NALF1: variants seen among roughly 807,000 people sequenced by gnomAD.
NALF1 encodes NALCN channel auxiliary factor 1.
Under a neutral mutation model 48.4 loss-of-function variants are expected in NALF1, and 3 were observed. The ratio of observed to expected loss-of-function variants is 0.06; its 90% confidence interval spans 0.03 to 0.16. NALF1 has a LOEUF of 0.16. Ranked by LOEUF, NALF1 falls within the 10% of genes least tolerant of loss-of-function variation. The pLI, the probability that NALF1 is intolerant of heterozygous loss-of-function variation, is 1.00. For missense variants in NALF1, 526 were observed against 571.5 expected, an observed-to-expected ratio of 0.92 and a Z score of 0.81; for synonymous variants, 262 against 245.7, an observed-to-expected ratio of 1.07 and a Z score of -0.62.
At chr13:107,501,836 A>G (rs919893938) in intron 1 of NALF1, among the ~76,000 whole-genome samples, 1 of 152,334 alleles carries the variant, frequency 6.6e-6, no homozygotes, top group East Asian at 1.9e-4. Context: ...TATTTATCCA[A>G]CTGAAAGGAT....
chr13:107,664,477 T>C (rs907824013), intron 1 of NALF1, among the ~76,000 whole-genome samples: 1 of 152,160 alleles, frequency 6.6e-6, no homozygotes, highest in Non-Finnish European at 1.5e-5. Flanking sequence ...CCCTCCATTG[T>C]TTCCTATTTA....
At chr13:107,776,715 T>C (rs1224035021) in intron 1 of NALF1, among the ~76,000 whole-genome samples, 2 of 152,244 alleles carry the variant, frequency 1.3e-5, no homozygotes, top group Non-Finnish European at 2.9e-5. Flanking sequence ...TGTAAATGCA[T>C]ACTTAAAATA....
chr13:107,466,998 A>G (rs1885014720), intron 1 of NALF1, among the ~76,000 whole-genome samples: 1 of 152,124 alleles, frequency 6.6e-6, no homozygotes, highest in Non-Finnish European at 1.5e-5. Context: ...ATGTATGTCC[A>G]TTTTATATTG....
At chr13:107,715,778 C>A (rs1340141505) in intron 1 of NALF1, among the ~76,000 whole-genome samples, 1 of 152,128 alleles carries the variant, frequency 6.6e-6, no homozygotes, top group Admixed American at 6.6e-5. Flanking sequence ...TGTGTTCAGC[C>A]CCATATGAGC....
At chr13:107,345,713 T>A (rs1172886438) in intron 1 of NALF1, among the ~76,000 whole-genome samples, 3 of 152,150 alleles carry the variant, frequency 2.0e-5, no homozygotes, top group African/African-American at 7.2e-5. Context: ...AAGAGCCTCA[T>A]GATATTAGAA....
At chr13:107,749,124 A>T (rs902756682) in intron 1 of NALF1, among the ~76,000 whole-genome samples, 1 of 100,702 alleles carries the variant, frequency 9.9e-6, no homozygotes, top group Non-Finnish European at 2.0e-5. Context: ...TATAATGTCT[A>T]TAATTGTGTG....
At chr13:107,460,952 G>T (rs1884908877) in intron 1 of NALF1, among the ~76,000 whole-genome samples, 1 of 152,082 alleles carries the variant, frequency 6.6e-6, no homozygotes, top group Admixed American at 6.5e-5. Flanking sequence ...TTTTGGAAAA[G>T]AAATCCATTT....
intron 1 of NALF1, among the ~76,000 whole-genome samples, chr13:107,678,097 T>C (rs1191940395): frequency 6.6e-6 from 1 of 152,238 alleles, no homozygotes. Flanking sequence ...TTAAAGTCTA[T>C]CCCTTTTGTG....
rs1431321779 is a variant in NALF1 at position 107,166,734 on chromosome 13, T to C, written c.*3763A>G. The C allele has an allele frequency of 6.6e-6, 1 of 152,094 alleles. No individual in the cohort carries two copies. Among genetic ancestry groups the C allele is most frequent in the African/African-American group, 2.4e-5 (1 of 41,424 alleles). The allele number at this position is 152,094 out of a possible 1,614,324, so 9.4% of individuals were successfully genotyped here. A position where few individuals can be genotyped will look rare whatever the true frequency, so the allele number is the denominator to read the frequency against. ...CTTATTCATTCATATGAAACCTCCT[T>C]TCCCCCTCATTCCCCGACTCTATCC... On this transcript the variant is annotated 3_prime_UTR_variant, in exon 3 of 3. Transcript: ENST00000375915.
chr13:107,590,574 T>C (rs1878577801), intron 1 of NALF1, among the ~76,000 whole-genome samples: 1 of 151,930 alleles, frequency 6.6e-6, no homozygotes, highest in Non-Finnish European at 1.5e-5. Context: ...TCAAGAAAGA[T>C]TTAGAACAGA....
chr13:107,860,168 CCTT>C (rs1251461559), intron 1 of NALF1, among the ~76,000 whole-genome samples: 1 of 152,148 alleles, frequency 6.6e-6, no homozygotes, highest in Non-Finnish European at 1.5e-5. Context: ...ACATCCATCT[CCTT>C]CTCTCCATGA....
rs1301987876 is a variant in NALF1 at position 107,164,341 on chromosome 13, T to C, written c.*6156A>G. 6.6e-6 allele frequency: 1 copy of C among 152,142 alleles called. No homozygotes were observed. Among genetic ancestry groups the C allele is most frequent in the African/African-American group, 2.4e-5 (1 of 41,420 alleles). The allele number at this position is 152,142 out of a possible 1,614,324, so 9.4% of individuals were successfully genotyped here. On this transcript the variant is annotated 3_prime_UTR_variant, in exon 3 of 3. Transcript: ENST00000375915. ...AAAACTGAACAGGTTTTCTAACTTT[T>C]TCACTGTTATTTCATTCTATAATAA...
chr13:107,499,123 G>A (rs2139076293), intron 1 of NALF1, among the ~76,000 whole-genome samples: 1 of 150,292 alleles, frequency 6.7e-6, no homozygotes, highest in Non-Finnish European at 1.5e-5. Context: ...ATTTTTAAGT[G>A]TTTTCATTAT....
chr13:107,702,814 G>C (rs1297640381), intron 1 of NALF1, among the ~76,000 whole-genome samples: 2 of 152,120 alleles, frequency 1.3e-5, no homozygotes, highest in Non-Finnish European at 2.9e-5. Context: ...TTCTGTGCCT[G>C]TGTTAGTTTG....
chr13:107,370,610 C>A (rs1434485810), intron 1 of NALF1, among the ~76,000 whole-genome samples: 2 of 138,732 alleles, frequency 1.4e-5, no homozygotes, highest in Non-Finnish European at 1.6e-5. Flanking sequence ...TGACTTACAT[C>A]CTCCCACCAC....
chr13:107,812,649 G>GT (rs774500366), intron 1 of NALF1, among the ~76,000 whole-genome samples: 3 of 152,190 alleles, frequency 2.0e-5, no homozygotes, highest in African/African-American at 7.2e-5. Context: ...TCTTATGATT[G>GT]TAAGTAGTTA....
rs1021780405 is a variant in NALF1 at position 107,844,038 on chromosome 13, C to A, written c.915+21644G>T. ...GTCTTTACTTTCTGCATAATTAAAT[C>A]TTTTATGAATCAGTTAATAATGGAC... On this transcript the variant is annotated intron_variant, in intron 1 of 2. Coordinates refer to ENST00000375915, the MANE Select transcript of NALF1 (RefSeq NM_001080396.3). 2.0e-4 allele frequency among the ~76,000 whole-genome samples: 31 copies of A among 152,088 alleles called. 1 individual carries two copies. Among genetic ancestry groups the A allele is most frequent in the Non-Finnish European group, 2.9e-5 (2 of 68,018 alleles).
chr13:107,227,289 G>A (rs1471782853), intron 1 of NALF1, among the ~76,000 whole-genome samples: 3 of 152,110 alleles, frequency 2.0e-5, no homozygotes, highest in Non-Finnish European at 2.9e-5. Flanking sequence ...AATAACCCTC[G>A]ATACTTCCAG....
intron 2 of NALF1, among the ~76,000 whole-genome samples, chr13:107,184,189 A>G (rs1267720017): frequency 6.6e-6 from 1 of 152,130 alleles, no homozygotes; most frequent in Non-Finnish European, 1.5e-5. Flanking sequence ...AATAAAAAAA[A>G]AAAAGAGAAA....
Sources: allele counts gnomAD v4.1 joint callset (sites outside exome capture counted in the v4.1 genomes callset), GRCh38; gene constraint gnomAD v4.1.1; transcripts MANE v1.5; gene names NCBI Gene and HGNC (gene_info 2026-07-23, HGNC 2026-07-21).